The following ABCC2 variants were observed in gnomAD, a reference collection of about 807,000 sequenced individuals.
The protein encoded by ABCC2 is ATP binding cassette subfamily C member 2.
In ABCC2, 157 loss-of-function variants were observed where a neutral mutation model predicts 173.4. That is an observed-to-expected ratio of 0.91 (90% confidence interval 0.80 to 1.03). The LOEUF is 1.03. ABCC2 is among the 50% of genes least tolerant of loss of function. ABCC2 has a pLI of 0.00. For synonymous variants in ABCC2, 657 were observed against 693.5 expected, an observed-to-expected ratio of 0.95 and a Z score of 0.83; for missense variants, 1,822 against 1,852.3, an observed-to-expected ratio of 0.98 and a Z score of 0.30.
At chr10:99,784,915 C>T (rs1475484591) in intron 2 of ABCC2, 134 bp downstream of exon 2, 2 of 1,120,792 alleles carry the variant, frequency 1.8e-6, no homozygotes, top group Non-Finnish European at 2.6e-6. Flanking sequence ...GAGCCAGGCT[C>T]AAGGTTTCCC....
intron 17 of ABCC2, 75 bp downstream of exon 17, chr10:99,817,559 T>A: frequency 6.8e-7 from 1 of 1,475,762 alleles, no homozygotes; most frequent in Non-Finnish European, 9.4e-7. Flanking sequence ...GGTGAAGAAC[T>A]ACACAGGGGT....
At chr10:99,790,040 T>C (rs1423679620) in intron 2 of ABCC2, among the ~76,000 whole-genome samples, 1 of 152,248 alleles carries the variant, frequency 6.6e-6, no homozygotes, top group African/African-American at 2.4e-5. Flanking sequence ...TTCTAATATT[T>C]TGCATCATGA....
At chr10:99,814,136 T>C (rs1460176537) in intron 16 of ABCC2, among the ~76,000 whole-genome samples, 1 of 82,552 alleles carries the variant, frequency 1.2e-5, no homozygotes, top group Non-Finnish European at 2.5e-5. Context: ...TATGTGTGTA[T>C]ATATACACAC....
chr10:99,834,875 T>G (rs1014272724), intron 24 of ABCC2, among the ~76,000 whole-genome samples: 3 of 152,238 alleles, frequency 2.0e-5, no homozygotes, highest in African/African-American at 7.2e-5. Context: ...AGAACCCCCA[T>G]GACGATTAGG....
At position 99,800,412 on chromosome 10, in the gene ABCC2, G is replaced by GAT. The variant is rs2037994884; in HGVS notation, c.1058_1059insAT (p.Asp354LeufsTer38). 5.0e-6 allele frequency: 8 copies of GAT among 1,614,014 alleles called. No homozygotes were observed. In the Admixed American group the frequency reaches 1.3e-4, roughly 27 times the overall value. On this transcript the variant is annotated frameshift_variant, in exon 9 of 32. Transcript: ENST00000647814. LOFTEE classifies it high-confidence loss of function. ...TTGCTGATCTCCTTTGCAAGTGACC[G>GAT]TGACACATATTTGTGGATTGGATAT...
chr10:99,794,238 A>G (rs11818057), intron 5 of ABCC2, among the ~76,000 whole-genome samples, 175 bp from the exon 6 acceptor site: 1,926 of 152,318 alleles, frequency 0.013, 51 homozygotes, highest in African/African-American at 0.044. Context: ...TCTGATTATC[A>G]TTCTACTAGT....
rs369922671 is a variant in ABCC2 at position 99,830,184 on chromosome 10, T to C, written c.2621-123T>C. Reference sequence around the variant, plus strand: ...ATTTATGGAGTAAAGTATTCCATGCTGTATGTACATCTGGGATCCCTTGCT... The same window carrying C: ...ATTTATGGAGTAAAGTATTCCATGCCGTATGTACATCTGGGATCCCTTGCT... On this transcript the variant is annotated intron_variant, in intron 19 of 31. Transcript: ENST00000647814. 1.4e-4 allele frequency: 153 copies of C among 1,088,804 alleles called. 1 individual carries two copies. In the East Asian group the frequency reaches 3.5e-3, roughly 25 times the overall value. The allele number at this position is 1,088,804 out of a possible 1,614,324, so 67.4% of individuals were successfully genotyped here.
chr10:99,797,696 G>A, intron 7 of ABCC2: 3 of 265,490 alleles, frequency 1.1e-5, no homozygotes, highest in East Asian at 9.1e-5. Flanking sequence ...GACCATTCTG[G>A]GCACTAAAAG....
intron 19 of ABCC2, among the ~76,000 whole-genome samples, chr10:99,819,974 C>A (rs761619587): frequency 6.6e-6 from 1 of 152,158 alleles, no homozygotes; most frequent in Non-Finnish European, 1.5e-5. Flanking sequence ...GAGTTCAGGT[C>A]GAGAAAGCCA....
intron 19 of ABCC2, among the ~76,000 whole-genome samples, chr10:99,821,704 A>C (rs1485887720): frequency 6.6e-6 from 1 of 152,122 alleles, no homozygotes; most frequent in Non-Finnish European, 1.5e-5. Flanking sequence ...AGGCAGAAGA[A>C]TTTTTCTTAG....
chr10:99,849,957 A>G (rs1164256240), intron 30 of ABCC2, among the ~76,000 whole-genome samples: 1 of 152,248 alleles, frequency 6.6e-6, no homozygotes, highest in African/African-American at 2.4e-5. Context: ...AGCTATTTGC[A>G]TTTTAGAAGC....
chr10:99,820,937 G>A (rs910652540), intron 19 of ABCC2, among the ~76,000 whole-genome samples: 3 of 152,188 alleles, frequency 2.0e-5, no homozygotes, highest in Admixed American at 6.5e-5. Context: ...GGGAACCAGC[G>A]TTTAGCATAT....
In ABCC2 at chr10:99,807,479, ACAGT is replaced by A; in HGVS notation, c.1627_1630del (p.Gln543ValfsTer2). The A allele has an allele frequency of 6.2e-7, 1 of 1,614,138 alleles. No homozygotes were observed. The highest frequency in any genetic ancestry group is 8.5e-7 in the Non-Finnish European group (1 of 1,179,992). ...AGAACCTGCTGGCCTTTAGTCAACTACAGTGTGTAGTAATATTCGTCTTCCAGTT... is the reference window on the plus strand; with the variant it reads ...AGAACCTGCTGGCCTTTAGTCAACTAGTGTAGTAATATTCGTCTTCCAGTT... On this transcript the variant is annotated frameshift_variant, in exon 12 of 32. Transcript: ENST00000647814. LOFTEE classifies it high-confidence loss of function.
intron 31 of ABCC2, 109 bp downstream of exon 31, chr10:99,850,905 A>G: frequency 7.6e-7 from 1 of 1,312,448 alleles, no homozygotes; most frequent in East Asian, 2.3e-5. Flanking sequence ...CCACCACATT[A>G]CTGATGAAGA....
At chr10:99,792,205 T>C in intron 2 of ABCC2, 29 bp from the exon 3 acceptor site, 1 of 1,613,524 alleles carries the variant, frequency 6.2e-7, no homozygotes, top group Non-Finnish European at 8.5e-7. Context: ...AATGATATCC[T>C]CTTAACAGTG....
chr10:99,840,594 C>T (rs1458406800), intron 25 of ABCC2, among the ~76,000 whole-genome samples: 2 of 149,122 alleles, frequency 1.3e-5, no homozygotes, highest in Admixed American at 6.7e-5. Context: ...CAACCTCTGC[C>T]TCCCAGGTTG....
chr10:99,808,409 G>A (rs4148392), intron 13 of ABCC2, among the ~76,000 whole-genome samples, 180 bp downstream of exon 13: 1 of 152,094 alleles, frequency 6.6e-6, no homozygotes, highest in Non-Finnish European at 1.5e-5. Flanking sequence ...CTGAGCCCCA[G>A]TTTATCTAAC....
At chr10:99,820,332 G>A (rs950167702) in intron 19 of ABCC2, among the ~76,000 whole-genome samples, 16 of 152,060 alleles carry the variant, frequency 1.1e-4, no homozygotes, top group South Asian at 6.2e-4. Flanking sequence ...CAGAGGTTGC[G>A]GTGAGCTGAG....
At chr10:99,816,209 AC>A (rs2038406439) in intron 16 of ABCC2, among the ~76,000 whole-genome samples, 1 of 151,680 alleles carries the variant, frequency 6.6e-6, no homozygotes, top group Admixed American at 6.6e-5. Flanking sequence ...CTCGTAATCC[AC>A]CTGCCTCAGC....
Sources: allele counts gnomAD v4.1 joint callset (sites outside exome capture counted in the v4.1 genomes callset), GRCh38; gene constraint gnomAD v4.1.1; transcripts MANE v1.5; gene names NCBI Gene and HGNC (gene_info 2026-07-23, HGNC 2026-07-21).